Variants in DLG2 observed in about 807,000 individuals in gnomAD.
DLG2 encodes the protein discs large MAGUK scaffold protein 2, also known as disks large homolog 2.
DLG2 carries 45 observed loss-of-function variants against 132.5 expected under a neutral mutation model. That is an observed-to-expected ratio of 0.34 (90% confidence interval 0.27 to 0.44). The LOEUF is 0.44. DLG2 is among the 20% of genes least tolerant of loss of function. The pLI is 1.00. For synonymous variants in DLG2, 424 were observed against 419.6 expected (o/e 1.01, Z -0.13); for missense variants, 1,045 against 1,196.9 (o/e 0.87, Z 1.87).
intron 6 of DLG2, among the ~76,000 whole-genome samples, chr11:85,053,529 C>T (rs1182057882): frequency 1.3e-5 from 2 of 151,384 alleles, no homozygotes; most frequent in Non-Finnish European, 2.9e-5. Context: ...TGGCTCACGC[C>T]TGTAATCCCA....
intron 3 of DLG2, among the ~76,000 whole-genome samples, chr11:85,408,181 T>C (rs1232937092): frequency 6.7e-6 from 1 of 149,176 alleles, no homozygotes; most frequent in Non-Finnish European, 1.5e-5. Context: ...ATATCTAATA[T>C]TTATAGAAAT....
intron 4 of DLG2, among the ~76,000 whole-genome samples, chr11:85,191,900 C>A (rs2080606945): frequency 6.6e-6 from 1 of 152,136 alleles, no homozygotes; most frequent in Non-Finnish European, 1.5e-5. Context: ...TCATATTATC[C>A]TGGGCTTTTT....
At chr11:84,880,922 A>AT (rs1291921730) in intron 6 of DLG2, among the ~76,000 whole-genome samples, 1 of 152,170 alleles carries the variant, frequency 6.6e-6, no homozygotes, top group Non-Finnish European at 1.5e-5. Context: ...TTGAGCACCT[A>AT]TTATGCAAGG....
intron 6 of DLG2, among the ~76,000 whole-genome samples, chr11:84,865,772 A>G (rs1172611489): frequency 6.6e-6 from 1 of 152,214 alleles, no homozygotes; most frequent in Non-Finnish European, 1.5e-5. Context: ...AAATGTTTGG[A>G]AAAAAATCCA....
intron 8 of DLG2, among the ~76,000 whole-genome samples, chr11:84,234,084 T>G (rs1165087497): frequency 6.6e-6 from 1 of 152,164 alleles, no homozygotes; most frequent in Non-Finnish European, 1.5e-5. Context: ...ATGCCTCACA[T>G]GCAGCACCTG....
At chr11:84,479,074 C>G (rs1333944735) in intron 7 of DLG2, among the ~76,000 whole-genome samples, 7 of 152,072 alleles carry the variant, frequency 4.6e-5, no homozygotes, top group Admixed American at 4.6e-4. Context: ...CTTCACTGTA[C>G]TGTTTGCTCA....
At chr11:83,851,112 G>A (rs1226367045) in intron 16 of DLG2, among the ~76,000 whole-genome samples, 1 of 151,266 alleles carries the variant, frequency 6.6e-6, no homozygotes, top group East Asian at 2.0e-4. Context: ...GGGAGGTGGA[G>A]CTTGCAGTGA....
At chr11:84,549,347 G>A (rs978318769) in intron 6 of DLG2, among the ~76,000 whole-genome samples, 2 of 152,162 alleles carry the variant, frequency 1.3e-5, no homozygotes, top group African/African-American at 4.8e-5. Flanking sequence ...AGCACTGTAC[G>A]ATCTTGTGGG....
chr11:84,081,571 T>C (rs1168656188), intron 10 of DLG2, among the ~76,000 whole-genome samples: 3 of 152,046 alleles, frequency 2.0e-5, no homozygotes, highest in Non-Finnish European at 2.9e-5. Context: ...TGAGAACATA[T>C]GGTGTTTGGT....
At position 85,044,897 on chromosome 11, in the gene DLG2, A is replaced by C. The variant is rs2062192790; in HGVS notation, c.357+66764T>G. On this transcript the variant is annotated intron_variant, in intron 6 of 27. Coordinates refer to ENST00000376104, the MANE Select transcript of DLG2 (RefSeq NM_001142699.3). ...TTTAAAAATAGATGAAGCTTAAGTA[A>C]ATGGGAAATAAGTTATCTCCACCTG... Among the ~76,000 whole-genome samples, 3 of 152,168 alleles carry C rather than the reference A, an allele frequency of 2.0e-5. No individual in the cohort carries two copies. In the South Asian group the frequency reaches 6.2e-4, roughly 32 times the overall value.
rs912791921 is a variant in DLG2 at position 83,458,662 on chromosome 11, T to C, written c.*1156A>G. The C allele has an allele frequency of 3.3e-5, 5 of 152,242 alleles. No homozygotes were observed. Among genetic ancestry groups the C allele is most frequent in the African/African-American group, 9.6e-5 (4 of 41,470 alleles). The allele number at this position is 152,242 out of a possible 1,614,324, so 9.4% of individuals were successfully genotyped here. On this transcript the variant is annotated 3_prime_UTR_variant, in exon 28 of 28. Coordinates refer to ENST00000376104, the MANE Select transcript of DLG2 (RefSeq NM_001142699.3). ...AAAATGCTAAATGGTCCTTTAAGAA[T>C]TGTATGTCAGTAACTAGGAACAAAG... is the stretch of plus-strand genomic sequence containing the variant.
chr11:83,480,227 C>A (rs2092992083), intron 22 of DLG2: 1 of 682,608 alleles, frequency 1.5e-6, no homozygotes, highest in African/African-American at 1.8e-5. Flanking sequence ...CTTTCCACAT[C>A]CAGTGATTTC....
intron 11 of DLG2, among the ~76,000 whole-genome samples, chr11:84,024,314 G>T (rs1033257394): frequency 6.6e-6 from 1 of 152,108 alleles, no homozygotes; most frequent in Admixed American, 6.5e-5. Context: ...CAGATTGAGG[G>T]TCAACAGAAG....
At chr11:84,435,751 A>T (rs1248473460) in intron 7 of DLG2, among the ~76,000 whole-genome samples, 5 of 152,170 alleles carry the variant, frequency 3.3e-5, no homozygotes, top group African/African-American at 4.8e-5. Context: ...AGAAGCTCAG[A>T]TTACTTTGTT....
At chr11:85,558,623 A>C (rs757730326) in intron 3 of DLG2, among the ~76,000 whole-genome samples, 1 of 151,886 alleles carries the variant, frequency 6.6e-6, no homozygotes, top group Non-Finnish European at 1.5e-5. Flanking sequence ...AAAAAGAATG[A>C]AATCATGCCC....
intron 4 of DLG2, among the ~76,000 whole-genome samples, chr11:85,203,309 G>A (rs2081606926): frequency 6.6e-6 from 1 of 151,458 alleles, no homozygotes; most frequent in African/African-American, 2.4e-5. Flanking sequence ...AAAAAGAGAA[G>A]AGCCATATAA....
intron 2 of DLG2, among the ~76,000 whole-genome samples, chr11:85,601,775 T>A (rs2153234100): frequency 6.6e-6 from 1 of 152,334 alleles, no homozygotes; most frequent in South Asian, 2.1e-4. Flanking sequence ...GTTTTCCCAC[T>A]TCATGGATGC....
chr11:84,848,307 AAC>A (rs1007230460), intron 6 of DLG2, among the ~76,000 whole-genome samples: 8 of 152,070 alleles, frequency 5.3e-5, no homozygotes, highest in African/African-American at 1.9e-4. Flanking sequence ...TAGCCTGGAC[AAC>A]ATAGTGAAGA....
intron 11 of DLG2, among the ~76,000 whole-genome samples, chr11:83,989,530 A>G (rs987082706): frequency 6.6e-6 from 1 of 152,176 alleles, no homozygotes; most frequent in African/African-American, 2.4e-5. Flanking sequence ...CTTACTTCTT[A>G]GAGGAGAAGG....
Sources: gnomAD v4.1 joint callset for allele counts (sites outside exome capture counted in the v4.1 genomes callset) on GRCh38, gnomAD v4.1.1 for gene constraint, MANE v1.5 for transcripts, NCBI Gene and HGNC (gene_info 2026-07-23, HGNC 2026-07-21) for gene names.